The following RBMS3 variants were observed in gnomAD, a reference collection of about 807,000 sequenced individuals.
RBMS3 encodes the protein RNA-binding motif, single-stranded-interacting protein 3.
RBMS3 carries 27 observed loss-of-function variants against 66.8 expected under a neutral mutation model. That is an observed-to-expected ratio of 0.40 (90% confidence interval 0.30 to 0.56). The LOEUF (loss-of-function observed/expected upper bound fraction) is 0.56. RBMS3 is among the 20% of genes least tolerant of loss of function. The pLI, the probability that RBMS3 is intolerant of heterozygous loss-of-function variation, is 0.40. For missense variants in RBMS3, 513 were observed against 549.5 expected, an observed-to-expected ratio of 0.93 and a Z score of 0.66; for synonymous variants, 188 against 183.0, an observed-to-expected ratio of 1.03 and a Z score of -0.22.
At chr3:29,532,678 A>G (rs1223187221) in intron 3 of RBMS3, among the ~76,000 whole-genome samples, 1 of 152,106 alleles carries the variant, frequency 6.6e-6, no homozygotes, top group Non-Finnish European at 1.5e-5. Context: ...ACAATGAGCT[A>G]TGATTGTGCC....
At chr3:29,970,767 C>CT (rs1256279748) in intron 12 of RBMS3, among the ~76,000 whole-genome samples, 2 of 152,132 alleles carry the variant, frequency 1.3e-5, no homozygotes, top group East Asian at 3.9e-4. Flanking sequence ...AAAATTTAAT[C>CT]TTTTTTCAAT....
rs2031718795 is a variant in RBMS3 at position 29,281,115 on chromosome 3, T to TG, written c.-567_-566insG. ...ACAGCAGCAACTAAGCTGTACAAGG[T>TG]TTTTTTTTTTTTTTTTTCTTCCTTT... On this transcript the variant is annotated 5_prime_UTR_variant, in exon 1 of 15. Coordinates refer to ENST00000383767, the MANE Select transcript of RBMS3 (RefSeq NM_001003793.3). The TG allele has an allele frequency of 6.7e-5, 1 of 14,822 alleles. No homozygotes were observed. The highest frequency in any genetic ancestry group is 2.8e-4 in the African/African-American group (1 of 3,540). The allele number at this position is 14,822 out of a possible 1,614,324, so 0.9% of individuals were successfully genotyped here.
At chr3:29,802,524 G>T (rs2057422107) in intron 6 of RBMS3, among the ~76,000 whole-genome samples, 1 of 152,174 alleles carries the variant, frequency 6.6e-6, no homozygotes, top group African/African-American at 2.4e-5. Flanking sequence ...TATAACCCAT[G>T]ATCATTTTAA....
At chr3:29,543,481 G>T (rs569354385) in intron 3 of RBMS3, among the ~76,000 whole-genome samples, 1 of 152,298 alleles carries the variant, frequency 6.6e-6, no homozygotes, top group African/African-American at 2.4e-5. Flanking sequence ...GGCTGAAGCT[G>T]GTGGATTGCT....
chr3:29,818,049 T>C (rs370810408), intron 6 of RBMS3, among the ~76,000 whole-genome samples: 3 of 152,138 alleles, frequency 2.0e-5, no homozygotes, highest in East Asian at 3.8e-4. Context: ...CTAATTTAGA[T>C]TTACATATAC....
At chr3:29,639,551 A>G (rs934993221) in intron 4 of RBMS3, among the ~76,000 whole-genome samples, 2 of 151,462 alleles carry the variant, frequency 1.3e-5, no homozygotes, top group East Asian at 3.9e-4. Flanking sequence ...ACTGTATGGC[A>G]AAAACCAGAA....
At chr3:29,826,568 C>T (rs2058218180) in intron 6 of RBMS3, among the ~76,000 whole-genome samples, 1 of 152,134 alleles carries the variant, frequency 6.6e-6, no homozygotes, top group African/African-American at 2.4e-5. Context: ...ACAACATAAT[C>T]TTAATATCTG....
chr3:29,396,617 G>A (rs902081879), intron 1 of RBMS3, among the ~76,000 whole-genome samples: 3 of 152,124 alleles, frequency 2.0e-5, no homozygotes, highest in Admixed American at 6.5e-5. Flanking sequence ...AATGTTTTTA[G>A]ATAGTTAGAT....
intron 1 of RBMS3, among the ~76,000 whole-genome samples, chr3:29,331,171 C>G (rs1347848955): frequency 1.3e-5 from 2 of 152,108 alleles, no homozygotes; most frequent in Non-Finnish European, 1.5e-5. Context: ...GGTGTTGGCA[C>G]TCTTACCCAT....
chr3:29,682,461 G>A (rs1004014554), intron 4 of RBMS3, among the ~76,000 whole-genome samples: 13 of 152,162 alleles, frequency 8.5e-5, no homozygotes, highest in African/African-American at 2.9e-4. Context: ...CTAGATGCTA[G>A]TTTTTAAACA....
chr3:29,522,551 A>G (rs1427507671), intron 3 of RBMS3, among the ~76,000 whole-genome samples: 2 of 152,082 alleles, frequency 1.3e-5, no homozygotes, highest in Non-Finnish European at 2.9e-5. Flanking sequence ...GCTGCTACCA[A>G]TCCTAGGTCT....
chr3:29,455,305 A>G (rs1162069809), intron 2 of RBMS3, among the ~76,000 whole-genome samples: 1 of 152,148 alleles, frequency 6.6e-6, no homozygotes, highest in African/African-American at 2.4e-5. Context: ...ATACATTATG[A>G]TTTTAGGGAA....
At chr3:29,389,373 C>T (rs531889433) in intron 1 of RBMS3, among the ~76,000 whole-genome samples, 15 of 152,234 alleles carry the variant, frequency 9.9e-5, no homozygotes, top group Middle Eastern at 3.4e-3. Context: ...TGCAGAAGTG[C>T]GCTTGGCTTC....
chr3:29,542,983 A>T (rs2045821330), intron 3 of RBMS3, among the ~76,000 whole-genome samples: 2 of 152,232 alleles, frequency 1.3e-5, no homozygotes, highest in African/African-American at 4.8e-5. Flanking sequence ...AAGAGAAATG[A>T]TAAAACATGG....
intron 10 of RBMS3, among the ~76,000 whole-genome samples, chr3:29,906,489 C>T (rs1342466665): frequency 2.0e-5 from 3 of 151,808 alleles, no homozygotes; most frequent in Admixed American, 6.6e-5. Flanking sequence ...GACATTAATC[C>T]ATTCATGAGG....
chr3:29,616,920 T>C (rs1168519236), intron 4 of RBMS3: 1 of 152,134 alleles, frequency 6.6e-6, no homozygotes, highest in African/African-American at 2.4e-5. Context: ...TTGGGAGAAA[T>C]ATATACAGGT....
chr3:29,322,290 A>G (rs2035053224), intron 1 of RBMS3, among the ~76,000 whole-genome samples: 1 of 152,130 alleles, frequency 6.6e-6, no homozygotes, highest in Non-Finnish European at 1.5e-5. Context: ...TTCATAATCT[A>G]GTAAAAATGT....
At chr3:29,961,412 A>G (rs1021961053) in intron 12 of RBMS3, among the ~76,000 whole-genome samples, 2 of 151,874 alleles carry the variant, frequency 1.3e-5, no homozygotes, top group Non-Finnish European at 2.9e-5. Flanking sequence ...AACTGTTCCA[A>G]CCTCTACGTG....
At chr3:29,627,033 G>A (rs1448895666) in intron 4 of RBMS3, among the ~76,000 whole-genome samples, 2 of 152,070 alleles carry the variant, frequency 1.3e-5, no homozygotes, top group Non-Finnish European at 2.9e-5. Context: ...CTGAGTCTTA[G>A]TTTCCTTATC....
Sources: gnomAD v4.1 joint callset for allele counts (sites outside exome capture counted in the v4.1 genomes callset) on GRCh38, gnomAD v4.1.1 for gene constraint, MANE v1.5 for transcripts, NCBI Gene and HGNC (gene_info 2026-07-23, HGNC 2026-07-21) for gene names.